The following DMD variants were observed in gnomAD, a reference collection of about 807,000 sequenced individuals.
DMD encodes mutant dystrophin.
In DMD, 63 loss-of-function variants were observed where a neutral mutation model predicts 330.1. That is an observed-to-expected ratio of 0.19 (90% CI 0.16 to 0.24). The LOEUF (loss-of-function observed/expected upper bound fraction) is 0.24, where lower values mean the gene tolerates loss of function less well. Among genes scored for constraint, DMD ranks in the 10% least tolerant of loss-of-function variants. The pLI, the probability that DMD is intolerant of heterozygous loss-of-function variation, is 1.00. For missense variants in DMD, 3,344 were observed against 2,684.1 expected (o/e 1.25, Z -5.43); for synonymous variants, 1,223 against 959.8 (o/e 1.27, Z -5.07).
chrX:31,646,466 TTGGA>T (rs768165891), intron 54 of DMD, among the ~76,000 whole-genome samples: 104 of 111,716 alleles, frequency 9.3e-4, no homozygotes, highest in African/African-American at 3.3e-3. Context: ...TCTGATTTAG[TTGGA>T]TGGGGTAGGA....
intron 41 of DMD, among the ~76,000 whole-genome samples, chrX:32,332,057 T>C (rs947261952): frequency 2.7e-5 from 3 of 111,677 alleles, no homozygotes; most frequent in Non-Finnish European, 5.7e-5. Flanking sequence ...CCTCTACTAT[T>C]CAAAAATTGT....
At position 32,481,263 on chromosome X, in the gene DMD, G is replaced by A. The variant is rs1201178256; in HGVS notation, c.2803+3656C>T. ...CCAGATCATCACCTCTTCAAGGGTT[G>A]AAATGATTTTTCTTTATCTTATCAC... On this transcript the variant is annotated intron_variant, in intron 21 of 78. Transcript: ENST00000357033. Among the ~76,000 whole-genome samples, 7 of 111,242 alleles carry A rather than the reference G, an allele frequency of 6.3e-5. No homozygotes were observed. In the Admixed American group the frequency reaches 6.7e-4, roughly 11 times the overall value.
Position 32,342,231 on chromosome X carries a change from T to C in DMD, c.5791A>G (p.Arg1931Gly). ...TCCTCAGACAAGCCCTCAGCTTGCC[T>C]ACGCACTGCATTCAGCTCCTCTTTC... ...KKKEELNAVR[R>G]QAEGLSEDGA... is the part of the protein sequence containing the mutation. Residue 1931 changes from arginine (R) to glycine (G), a missense_variant, in exon 41 of 79, where the codon AGG becomes GGG. Arg to Gly is a moderately radical substitution (Grantham distance 125). Coordinates refer to ENST00000357033, the MANE Select transcript of DMD (RefSeq NM_004006.3). The C allele has an allele frequency of 8.3e-7, 1 of 1,211,615 alleles. No individual in the cohort carries two copies. The highest frequency in any genetic ancestry group is 1.1e-6 in the Non-Finnish European group (1 of 895,482).
chrX:33,074,417 T>A (rs189970150), intron 1 of DMD, among the ~76,000 whole-genome samples: 32 of 102,248 alleles, frequency 3.1e-4, no homozygotes, highest in East Asian at 1.2e-3. Flanking sequence ...AACACTATAT[T>A]TTTTTTTTTT....
intron 15 of DMD, among the ~76,000 whole-genome samples, chrX:32,569,173 G>C (rs970585338): frequency 1.8e-5 from 2 of 111,842 alleles, no homozygotes; most frequent in Non-Finnish European, 3.8e-5. Flanking sequence ...GTCAGTAGTG[G>C]ATATGGAGAA....
At chrX:32,614,485 C>T (rs745773660) in intron 11 of DMD, 32 bp from the exon 12 acceptor site, 2 of 1,123,707 alleles carry the variant, frequency 1.8e-6, no homozygotes, top group Admixed American at 4.4e-5. Context: ...ATTATGACCT[C>T]TTTGAAAGCA....
intron 60 of DMD, among the ~76,000 whole-genome samples, chrX:31,398,630 G>A (rs763247384): frequency 4.5e-5 from 5 of 111,636 alleles, no homozygotes; most frequent in Non-Finnish European, 9.4e-5. Context: ...CAGTGAATTG[G>A]AGCCACATCA....
chrX:31,992,255 G>C (rs1358079798), intron 44 of DMD, among the ~76,000 whole-genome samples: 1 of 112,057 alleles, frequency 8.9e-6, no homozygotes, highest in Non-Finnish European at 1.9e-5. Flanking sequence ...TGTGTAGCTA[G>C]TTTTTCTTAA....
At chrX:31,628,908 T>A (rs1249105503) in intron 54 of DMD, among the ~76,000 whole-genome samples, 1 of 67,732 alleles carries the variant, frequency 1.5e-5, no homozygotes, top group Admixed American at 1.6e-4. Flanking sequence ...GTATTCATAT[T>A]TTTGATCATA....
intron 25 of DMD, among the ~76,000 whole-genome samples, chrX:32,462,123 C>A (rs981757751): frequency 9.0e-6 from 1 of 111,449 alleles, no homozygotes; most frequent in Non-Finnish European, 1.9e-5. Context: ...TCCCTTGTAT[C>A]TTTGGAAGAT....
rs2054982621 is a variant in DMD at position 32,592,048 on chromosome X, GAC to G, written c.1602+3707_1602+3708del. 1.4e-4 allele frequency among the ~76,000 whole-genome samples: 16 copies of G among 112,131 alleles called. 2 individuals carry two copies. In the Admixed American group the frequency reaches 1.5e-3, roughly 10 times the overall value. The stretch of plus-strand genomic sequence containing the variant: ...GAGCATGGGAGAGAGGCTGAGTGGG[GAC>G]TGAGGATGGTTCGGTGTGGGCCTGC... On this transcript the variant is annotated intron_variant, in intron 13 of 78. Coordinates refer to ENST00000357033, the MANE Select transcript of DMD (RefSeq NM_004006.3).
rs1259084991 is a variant in DMD at position 31,937,812 on chromosome X, G to T, written c.6615-5585C>A. Among the ~76,000 whole-genome samples the T allele has an allele frequency of 3.6e-5, 4 of 112,050 alleles. No individual in the cohort carries two copies. The Admixed American group carries it at 3.8e-4, about 11-fold the overall frequency. ...CTTATGGGAGGATTTATTCAGACAA[G>T]TGGTAGTAATAATAATGAGTGAGAT... is the stretch of plus-strand genomic sequence containing the variant. On this transcript the variant is annotated intron_variant, in intron 45 of 78. Transcript: ENST00000357033.
At chrX:32,450,008 C>G (rs2098323508) in intron 26 of DMD, among the ~76,000 whole-genome samples, 1 of 110,767 alleles carries the variant, frequency 9.0e-6, no homozygotes, top group South Asian at 3.7e-4. Context: ...TTATCCCATT[C>G]AGGGGTGAAG....
At chrX:31,262,798 T>A (rs779607147) in intron 62 of DMD, among the ~76,000 whole-genome samples, 1 of 112,694 alleles carries the variant, frequency 8.9e-6, no homozygotes, top group Non-Finnish European at 1.9e-5. Context: ...GCAGGACTGG[T>A]ACTTTACATG....
In DMD at chrX:32,452,426, AG is replaced by A. The variant is rs1243957023; in HGVS notation, c.3603+2235del. Among the ~76,000 whole-genome samples the A allele has an allele frequency of 9.9e-4, 26 of 26,372 alleles. 4 individuals are homozygous for A. Among genetic ancestry groups the A allele is most frequent in the African/African-American group, 2.9e-3 (20 of 6,854 alleles). The allele number at this position is 26,372 out of a possible 115,157, so 22.9% of individuals were successfully genotyped here. On this transcript the variant is annotated intron_variant, in intron 26 of 78. Coordinates refer to ENST00000357033, the MANE Select transcript of DMD (RefSeq NM_004006.3). Reference sequence around the variant, plus strand: ...AAAGGAAAGGGAAAGGGAAAGGGAAAGGGAAAGGGAAAGGGAAAGGAAAGGA... The same window carrying A: ...AAAGGAAAGGGAAAGGGAAAGGGAAAGGAAAGGGAAAGGGAAAGGAAAGGA...
intron 7 of DMD, among the ~76,000 whole-genome samples, chrX:32,716,592 G>C: frequency 9.0e-6 from 1 of 111,275 alleles, no homozygotes; most frequent in Admixed American, 9.6e-5. Context: ...CTGCTACGAA[G>C]ATACATGAGA....
intron 54 of DMD, among the ~76,000 whole-genome samples, chrX:31,657,610 C>A (rs1264530137): frequency 8.9e-6 from 1 of 111,831 alleles, no homozygotes; most frequent in African/African-American, 3.2e-5. Flanking sequence ...ATAACTCTAT[C>A]ATGAATCCCA....
chrX:31,507,785 G>A (rs1603281710), intron 55 of DMD, among the ~76,000 whole-genome samples: 1 of 112,003 alleles, frequency 8.9e-6, no homozygotes, highest in African/African-American at 3.2e-5. Flanking sequence ...TTATGGAAGT[G>A]ATAGGCAATA....
At chrX:32,279,471 TA>T (rs1387421091) in intron 43 of DMD, among the ~76,000 whole-genome samples, 10 of 111,752 alleles carry the variant, frequency 8.9e-5, no homozygotes, top group African/African-American at 3.3e-4. Context: ...AATAGAGTAC[TA>T]TTCAGCCATA....
Sources: gnomAD v4.1 joint callset for allele counts (sites outside exome capture counted in the v4.1 genomes callset) on GRCh38, gnomAD v4.1.1 for gene constraint, MANE v1.5 for transcripts, NCBI Gene and HGNC (gene_info 2026-07-23, HGNC 2026-07-21) for gene names.